BDKRB1: variants seen among roughly 807,000 people sequenced by gnomAD.
BDKRB1 encodes B1 bradykinin receptor.
For synonymous variants in BDKRB1, 192 were observed against 189.1 expected (o/e 1.02, Z -0.13); for missense variants, 414 against 441.4 (o/e 0.94, Z 0.56).
Position 96,264,253 on chromosome 14 carries a change from C to G in BDKRB1, c.571C>G (p.Leu191Val), listed in dbSNP as rs143823168. 4,377 of 1,614,202 alleles carry G rather than the reference C, an allele frequency of 2.7e-3. 10 individuals carry two copies. The highest frequency in any genetic ancestry group is 3.2e-3 in the Non-Finnish European group (3,762 of 1,180,034). ...AGATCTGAACATCACCGCCTGCATC[C>G]TGCTCCTCCCCCATGAGGCCTGGCA... is the stretch of plus-strand genomic sequence containing the variant. The part of the protein sequence containing the change: ...VPDLNITACI[L>V]LLPHEAWHFA... The change falls in exon 3 of 3, where the codon CTG becomes GTG. Residue 191 changes from leucine (L) to valine (V), a missense_variant. Coordinates refer to ENST00000216629, the MANE Select transcript of BDKRB1 (RefSeq NM_000710.4).
rs1885825664 is a variant in BDKRB1, at chr14:96,264,069, G to A, written c.387G>A (p.Val129=). The change falls in exon 3 of 3, where the codon GTG becomes GTA. Residue 129 remains valine, a synonymous_variant. Transcript: ENST00000216629. ...TGTTCATCAGCATCTTCCTGGTGGTGGCCATCAGCCAGGACCGCTACCGCG... is the reference window on the plus strand; with the variant it reads ...TGTTCATCAGCATCTTCCTGGTGGTAGCCATCAGCCAGGACCGCTACCGCG... ...ANLFISIFLV[V]AISQDRYRVL... 1 of 1,611,412 alleles carries A rather than the reference G, an allele frequency of 6.2e-7. No homozygotes were observed. The highest frequency in any genetic ancestry group is 1.3e-5 in the African/African-American group (1 of 74,908).
intron 1 of BDKRB1, among the ~76,000 whole-genome samples, chr14:96,258,212 G>A (rs568684036): frequency 6.6e-6 from 1 of 152,250 alleles, no homozygotes; most frequent in Non-Finnish European, 1.5e-5. Context: ...AATTGTTCTT[G>A]TTGTATATTC....
chr14:96,256,741 A>G (rs1327527163), intron 1 of BDKRB1, among the ~76,000 whole-genome samples: 4 of 152,240 alleles, frequency 2.6e-5, no homozygotes, highest in Non-Finnish European at 4.4e-5. Flanking sequence ...TGAAAGTAGC[A>G]TCTTACTATG....
rs779513626 is a variant in BDKRB1, at chr14:96,264,264, C to G, written c.582C>G (p.Pro194=). ...LNITACILLL[P]HEAWHFARIV... ...TCACCGCCTGCATCCTGCTCCTCCC[C>G]CATGAGGCCTGGCACTTTGCAAGGA... Residue 194 remains proline (P), a synonymous_variant, in exon 3 of 3, where the codon CCC becomes CCG. Coordinates refer to ENST00000216629, the MANE Select transcript of BDKRB1 (RefSeq NM_000710.4). 1.2e-6 allele frequency: 2 copies of G among 1,614,228 alleles called. No individual in the cohort carries two copies. The highest frequency in any genetic ancestry group is 1.7e-6 in the Non-Finnish European group (2 of 1,180,036).
rs771447208 is a variant in BDKRB1, at chr14:96,263,971, A to C, written c.289A>C (p.Ile97Leu). 1 of 1,614,204 alleles carries C rather than the reference A, an allele frequency of 6.2e-7. No homozygotes were observed. Among genetic ancestry groups the C allele is most frequent in the Non-Finnish European group, 8.5e-7 (1 of 1,180,038 alleles). Residue 97 changes from isoleucine (I) to leucine (L), a missense_variant, in exon 3 of 3, where the codon ATC becomes CTC. By Grantham distance (5) the Ile-to-Leu change is conservative (BLOSUM62 2). Transcript: ENST00000216629. ...GGGCTTGCCCTTCTGGGCAGAGAAT[A>C]TCTGGAACCAGTTTAACTGGCCTTT... is the stretch of plus-strand genomic sequence containing the variant. Reference protein sequence around the residue: ...VLGLPFWAENIWNQFNWPFGA... With the variant: ...VLGLPFWAENLWNQFNWPFGA...
chr14:96,263,014 C>G (rs575993839), intron 2 of BDKRB1, among the ~76,000 whole-genome samples: 31 of 152,236 alleles, frequency 2.0e-4, no homozygotes, highest in Non-Finnish European at 3.5e-4. Context: ...CCCAACAGGT[C>G]AGCTTCCTTT....
At chr14:96,262,889 A>C (rs1440924721) in intron 2 of BDKRB1, 119 bp downstream of exon 2, 4 of 343,296 alleles carry the variant, frequency 1.2e-5, no homozygotes, top group Non-Finnish European at 1.7e-5. Flanking sequence ...TGGCCTCCCA[A>C]AGTACTGAGA....
At position 96,263,728 on chromosome 14, in the gene BDKRB1, A is replaced by G. The variant is rs528094974; in HGVS notation, c.46A>G (p.Ser16Gly). The change falls in exon 3 of 3, where the codon AGC (serine) becomes GGC (glycine). Residue 16 changes from serine (S) to glycine (G), a missense_variant. Ser to Gly is a moderately conservative substitution (Grantham distance 56, BLOSUM62 0). Transcript: ENST00000216629. Reference protein sequence around the residue: ...PPLELQSSNQSQLFPQNATAC... With the variant: ...PPLELQSSNQGQLFPQNATAC... ...TCTAGAGCTCCAATCCTCCAACCAG[A>G]GCCAGCTCTTCCCTCAAAATGCTAC... The G allele has an allele frequency of 5.0e-6, 8 of 1,614,194 alleles. No individual in the cohort carries two copies. Among genetic ancestry groups the G allele is most frequent in the Non-Finnish European group, 6.8e-6 (8 of 1,180,040 alleles).
chr14:96,256,426 G>A (rs1255857425), intron 1 of BDKRB1, 126 bp downstream of exon 1: 1 of 152,156 alleles, frequency 6.6e-6, no homozygotes, highest in East Asian at 1.9e-4. Context: ...CCACTTCTGT[G>A]AGGGTACTTT....
At chr14:96,257,436 T>C (rs1238447381) in intron 1 of BDKRB1, among the ~76,000 whole-genome samples, 1 of 152,222 alleles carries the variant, frequency 6.6e-6, no homozygotes, top group African/African-American at 2.4e-5. Flanking sequence ...AGTCAAGATA[T>C]TGGCTTGGCT....
intron 1 of BDKRB1, among the ~76,000 whole-genome samples, chr14:96,256,524 G>A (rs1197641248): frequency 2.0e-5 from 3 of 152,176 alleles, no homozygotes; most frequent in Non-Finnish European, 4.4e-5. Context: ...GAGGAGGAGG[G>A]AAAGGTTTTA....
At position 96,264,023 on chromosome 14, in the gene BDKRB1, A is replaced by G. The variant is rs1386250204; in HGVS notation, c.341A>G (p.Asn114Ser). Residue 114 changes from asparagine to serine, a missense_variant, in exon 3 of 3, where the codon AAC becomes AGC. Physicochemically the swap from Asn to Ser is conservative, Grantham distance 46. Transcript: ENST00000216629. ...PFGALLCRVINGVIKANLFIS... is the reference protein window; with the variant it reads ...PFGALLCRVISGVIKANLFIS... ...GGAGCCCTCCTCTGCCGTGTCATCA[A>G]CGGGGTCATCAAGGCCAATTTGTTC... 6.2e-7 allele frequency: 1 copy of G among 1,614,122 alleles called. No individual in the cohort carries two copies. The highest frequency in any genetic ancestry group is 1.7e-5 in the Admixed American group (1 of 60,022).
intron 1 of BDKRB1, among the ~76,000 whole-genome samples, chr14:96,259,132 A>G (rs1450207297): frequency 6.6e-6 from 1 of 152,196 alleles, no homozygotes; most frequent in South Asian, 2.1e-4. Flanking sequence ...ATAATTCACT[A>G]AAAGCTTTGA....
chr14:96,260,499 TC>T (rs1219026057), intron 1 of BDKRB1, among the ~76,000 whole-genome samples: 4 of 152,228 alleles, frequency 2.6e-5, no homozygotes, highest in Non-Finnish European at 4.4e-5. Context: ...TACTTAAATT[TC>T]CATTAAATAT....
At chr14:96,257,848 G>C (rs1179794038) in intron 1 of BDKRB1, among the ~76,000 whole-genome samples, 1 of 151,202 alleles carries the variant, frequency 6.6e-6, no homozygotes, top group Admixed American at 6.6e-5. Context: ...TAGAAAGAGA[G>C]AGGAAAGAAG....
chr14:96,257,818 C>A (rs1308757021), intron 1 of BDKRB1, among the ~76,000 whole-genome samples: 5 of 150,718 alleles, frequency 3.3e-5, no homozygotes, highest in Admixed American at 6.6e-5. Context: ...TTATTTCCCC[C>A]AAAAATTAGT....
In BDKRB1 at chr14:96,264,258, C is replaced by T; in HGVS notation, c.576C>T (p.Leu192=). The T allele has an allele frequency of 6.2e-7, 1 of 1,614,194 alleles. No individual in the cohort carries two copies. ...PDLNITACIL[L]LPHEAWHFAR... ...TGAACATCACCGCCTGCATCCTGCT[C>T]CTCCCCCATGAGGCCTGGCACTTTG... is the stretch of plus-strand genomic sequence containing the variant. The change falls in exon 3 of 3, where the codon CTC becomes CTT. Residue 192 remains leucine (L), a synonymous_variant. Coordinates refer to ENST00000216629, the MANE Select transcript of BDKRB1 (RefSeq NM_000710.4).
In BDKRB1 at chr14:96,262,759, C is replaced by T. The variant is rs1885787805; in HGVS notation, c.-22C>T. On this transcript the variant is annotated 5_prime_UTR_variant, in exon 2 of 3. Coordinates refer to ENST00000216629, the MANE Select transcript of BDKRB1 (RefSeq NM_000710.4). ...TCTCCCACCTCAGCCTCTCGAGTTGCTGGGACCACAGGTATGCACCACCAT... is the reference window on the plus strand; with the variant it reads ...TCTCCCACCTCAGCCTCTCGAGTTGTTGGGACCACAGGTATGCACCACCAT... 4.7e-6 allele frequency: 2 copies of T among 423,268 alleles called. No individual in the cohort carries two copies. The highest frequency in any genetic ancestry group is 1.7e-5 in the South Asian group (1 of 58,152). The allele number at this position is 423,268 out of a possible 1,614,324, so 26.2% of individuals were successfully genotyped here. A position where few individuals can be genotyped will look rare whatever the true frequency, so the allele number is the denominator to read the frequency against.
chr14:96,257,500 C>T (rs955806605), intron 1 of BDKRB1, among the ~76,000 whole-genome samples: 4 of 152,186 alleles, frequency 2.6e-5, no homozygotes, highest in Non-Finnish European at 4.4e-5. Flanking sequence ...TCACACAACA[C>T]GAGAGAATTA....
Sources: allele counts gnomAD v4.1 joint callset (sites outside exome capture counted in the v4.1 genomes callset), GRCh38; gene constraint gnomAD v4.1.1; transcripts MANE v1.5; gene names NCBI Gene and HGNC (gene_info 2026-07-23, HGNC 2026-07-21).